Variants in DMXL2 observed in about 807,000 individuals in gnomAD.
DMXL2 encodes the protein Dmx like 2.
DMXL2 carries 103 observed loss-of-function variants against 331.1 expected under a neutral mutation model. The observed-to-expected ratio is 0.31, with a 90% CI of 0.27 to 0.37. The LOEUF (loss-of-function observed/expected upper bound fraction) is 0.37, where lower values mean the gene tolerates loss of function less well. Ranked by LOEUF, DMXL2 falls within the 10% of genes least tolerant of loss-of-function variation. DMXL2 has a pLI of 1.00. For synonymous variants in DMXL2, 1,281 were observed against 1,252.1 expected, an observed-to-expected ratio of 1.02 and a Z score of -0.49; for missense variants, 3,171 against 3,642.9, an observed-to-expected ratio of 0.87 and a Z score of 3.33.
chr15:51,481,729 T>C (rs1018830431), intron 23 of DMXL2, 106 bp from the exon 24 acceptor site: 3 of 1,087,150 alleles, frequency 2.8e-6, no homozygotes, highest in East Asian at 5.1e-5. Flanking sequence ...AACATGTAAA[T>C]ATTAACCTAC....
intron 16 of DMXL2, 61 bp downstream of exon 16, chr15:51,507,073 A>G (rs116569522): frequency 7.6e-7 from 1 of 1,318,040 alleles, no homozygotes; most frequent in East Asian, 2.7e-5. Flanking sequence ...ACCAAAGTAA[A>G]GCATATTCTA....
chr15:51,505,121 C>T (rs940563617), intron 16 of DMXL2, among the ~76,000 whole-genome samples: 1 of 152,210 alleles, frequency 6.6e-6, no homozygotes, highest in Non-Finnish European at 1.5e-5. Flanking sequence ...CCTTCTCTAA[C>T]AAAATTTAAA....
chr15:51,604,734 C>CA (rs1443491924), intron 1 of DMXL2, among the ~76,000 whole-genome samples: 1 of 151,924 alleles, frequency 6.6e-6, no homozygotes, highest in Non-Finnish European at 1.5e-5. Context: ...TAGCTATGGA[C>CA]AAACTGATCC....
At chr15:51,531,570 C>T (rs1286554847) in intron 13 of DMXL2, among the ~76,000 whole-genome samples, 1 of 152,000 alleles carries the variant, frequency 6.6e-6, no homozygotes, top group African/African-American at 2.4e-5. Flanking sequence ...ATACAATCAG[C>T]AAGGTGAAGA....
At chr15:51,464,009 C>A (rs2040353239) in intron 32 of DMXL2, among the ~76,000 whole-genome samples, 1 of 151,822 alleles carries the variant, frequency 6.6e-6, no homozygotes, top group Non-Finnish European at 1.5e-5. Context: ...CAGTTAAAAA[C>A]CTGTAATGTG....
At chr15:51,460,465 T>A in intron 33 of DMXL2, 2 of 702,626 alleles carry the variant, frequency 2.8e-6, no homozygotes, top group East Asian at 1.3e-4. Context: ...CTGAAGAATC[T>A]ATTTGTCTTA....
At chr15:51,547,558 T>C in intron 6 of DMXL2, 150 bp from the exon 7 acceptor site, 1 of 503,888 alleles carries the variant, frequency 2.0e-6, no homozygotes, top group Non-Finnish European at 3.4e-6. Context: ...ATTACATTAC[T>C]TTAAAGAAAA....
intron 1 of DMXL2, among the ~76,000 whole-genome samples, chr15:51,620,466 A>G (rs1315309331): frequency 6.6e-6 from 1 of 152,266 alleles, no homozygotes; most frequent in East Asian, 1.9e-4. Context: ...GGCCAAAGTG[A>G]GGAGTACATA....
At chr15:51,550,013 T>G (rs1164254211) in intron 6 of DMXL2, among the ~76,000 whole-genome samples, 1 of 152,074 alleles carries the variant, frequency 6.6e-6, no homozygotes, top group Non-Finnish European at 1.5e-5. Flanking sequence ...TGAATATAGA[T>G]GCAAAAATCC....
At position 51,455,172 on chromosome 15, in the gene DMXL2, T is replaced by C. The variant is rs986138909; in HGVS notation, c.8583A>G (p.Ala2861=). ...TTACCATATAAGGTTTAGGATTTGA[T>C]GCAGTTTGGTTAACTTGCCAGATAC... ...FLSIWQVNQT[A]SNPKPYMSWQ... Residue 2861 remains alanine (A), a synonymous_variant, in exon 40 of 44, where the codon GCA becomes GCG. Transcript: ENST00000560891. The C allele has an allele frequency of 1.2e-6, 2 of 1,614,108 alleles. No individual in the cohort carries two copies. The highest frequency in any genetic ancestry group is 1.7e-6 in the Non-Finnish European group (2 of 1,179,960).
intron 1 of DMXL2, among the ~76,000 whole-genome samples, chr15:51,582,688 T>TATTA (rs75683907): frequency 0.48 from 72,297 of 151,728 alleles, 17,570 homozygotes; most frequent in Non-Finnish European, 0.52. Flanking sequence ...TAGGTTTCCT[T>TATTA]AATACGTTCC....
chr15:51,513,557 T>G (rs2046875703), intron 15 of DMXL2, among the ~76,000 whole-genome samples: 1 of 152,164 alleles, frequency 6.6e-6, no homozygotes, highest in Non-Finnish European at 1.5e-5. Context: ...AATCTGATTT[T>G]CACTAAAGCG....
At chr15:51,464,638 G>C (rs749680506) in intron 32 of DMXL2, 37 bp downstream of exon 32, 20 of 1,577,254 alleles carry the variant, frequency 1.3e-5, no homozygotes, top group Admixed American at 1.7e-5. Flanking sequence ...GAAAAGTTAA[G>C]CTACGCTCTT....
At chr15:51,490,277 A>G (rs537779157) in intron 20 of DMXL2, among the ~76,000 whole-genome samples, 3 of 152,344 alleles carry the variant, frequency 2.0e-5, no homozygotes. Flanking sequence ...ATGCTGATTA[A>G]GATGAAGAAA....
In DMXL2 at chr15:51,456,161, T is replaced by C; in HGVS notation, c.8431A>G (p.Met2811Val). 6 of 1,614,146 alleles carry C rather than the reference T, an allele frequency of 3.7e-6. No homozygotes were observed. The highest frequency in any genetic ancestry group is 5.1e-6 in the Non-Finnish European group (6 of 1,180,014). Reference protein sequence around the residue: ...LTGAQDGSVRMFEWTRPQQLV... With the variant: ...LTGAQDGSVRVFEWTRPQQLV... ...TGCTGAGGCCGCGTCCATTCAAACA[T>C]TCGTACACTGCCGTCCTGAGCACCT... The change falls in exon 39 of 44, where the codon ATG (methionine) becomes GTG (valine). Residue 2811 changes from methionine (M) to valine (V), a missense_variant. By Grantham distance (21) the Met-to-Val change is conservative (BLOSUM62 1). Around this residue, in one of 7 missense-constraint regions of DMXL2, gnomAD observed 766 missense variants for 940.5 expected, o/e 0.81. Transcript: ENST00000560891.
chr15:51,599,902 T>C (rs1465166123), intron 1 of DMXL2, among the ~76,000 whole-genome samples: 1 of 152,140 alleles, frequency 6.6e-6, no homozygotes, highest in Non-Finnish European at 1.5e-5. Flanking sequence ...GGTTTCACTG[T>C]GTTAGCCAGG....
In DMXL2 at chr15:51,608,785, A is replaced by C. The variant is rs539410582; in HGVS notation, c.87+13674T>G. ...ATGAAAAAAAAAGGCTTTTTTAGACAAACAAAAGACAACATTACAACACTA... is the reference window on the plus strand; with the variant it reads ...ATGAAAAAAAAAGGCTTTTTTAGACCAACAAAAGACAACATTACAACACTA... On this transcript the variant is annotated intron_variant, in intron 1 of 43. Coordinates refer to ENST00000560891, the MANE Select transcript of DMXL2 (RefSeq NM_001378457.1). Among the ~76,000 whole-genome samples the C allele has an allele frequency of 7.2e-5, 11 of 152,348 alleles. No homozygotes were observed. In the East Asian group the frequency reaches 1.7e-3, roughly 24 times the overall value.
At chr15:51,599,645 G>A (rs1035238130) in intron 1 of DMXL2, among the ~76,000 whole-genome samples, 6 of 152,054 alleles carry the variant, frequency 3.9e-5, no homozygotes, top group Admixed American at 2.0e-4. Flanking sequence ...ACACATCTAT[G>A]AGGTCACACT....
At position 51,494,213 on chromosome 15, in the gene DMXL2, G is replaced by A. The variant is rs544465499; in HGVS notation, c.4783+811C>T. 7.9e-5 allele frequency among the ~76,000 whole-genome samples: 12 copies of A among 152,266 alleles called. No individual in the cohort carries two copies. In the South Asian group the frequency reaches 2.3e-3, roughly 29 times the overall value. Reference sequence around the variant, plus strand: ...CAAAGGATTGGGCAGATGAAATATAGTTTAGACACAGAATCTCAGATAGCT... The same window carrying A: ...CAAAGGATTGGGCAGATGAAATATAATTTAGACACAGAATCTCAGATAGCT... On this transcript the variant is annotated intron_variant, in intron 19 of 43. Transcript: ENST00000560891.
Sources: gnomAD v4.1 joint callset for allele counts (sites outside exome capture counted in the v4.1 genomes callset) on GRCh38, gnomAD v4.1.1 for gene constraint, gnomAD v4.1.1 regional missense constraint, MANE v1.5 for transcripts, NCBI Gene and HGNC (gene_info 2026-07-23, HGNC 2026-07-21) for gene names.